Variants in PARD3 observed in about 807,000 individuals in gnomAD.
PARD3 encodes the protein partitioning defective 3 homolog.
Under a neutral mutation model 155.4 loss-of-function variants are expected in PARD3, and 75 were observed. The ratio of observed to expected loss-of-function variants is 0.48; its 90% CI spans 0.40 to 0.58. PARD3 has a LOEUF of 0.58. Among genes scored for constraint, PARD3 ranks in the 20% least tolerant of loss-of-function variants. PARD3 has a pLI of 0.00. For missense variants in PARD3, 1,642 were observed against 1,721.7 expected (o/e 0.95, Z 0.82); for synonymous variants, 576 against 610.5 (o/e 0.94, Z 0.83).
chr10:34,355,317 G>A (rs969546757), intron 14 of PARD3, among the ~76,000 whole-genome samples: 2 of 151,828 alleles, frequency 1.3e-5, no homozygotes, highest in African/African-American at 4.8e-5. Context: ...AACAGAGCGA[G>A]AGAGCAAGAC....
chr10:34,460,313 A>G (rs528450445), intron 4 of PARD3, among the ~76,000 whole-genome samples: 2 of 152,302 alleles, frequency 1.3e-5, no homozygotes, highest in African/African-American at 2.4e-5. Context: ...CTTCCCCCCA[A>G]AAAAACACAA....
intron 22 of PARD3, among the ~76,000 whole-genome samples, chr10:34,238,922 A>G (rs917044584): frequency 3.9e-5 from 6 of 152,222 alleles, no homozygotes; most frequent in Admixed American, 2.6e-4. Flanking sequence ...TAACTTCAGA[A>G]TAGAAATTTA....
chr10:34,390,292 A>C (rs1842760972), intron 7 of PARD3, among the ~76,000 whole-genome samples: 1 of 152,172 alleles, frequency 6.6e-6, no homozygotes, highest in African/African-American at 2.4e-5. Flanking sequence ...TCCCAGATTC[A>C]TGATATAAGA....
chr10:34,327,547 C>T (rs146713293), intron 19 of PARD3, among the ~76,000 whole-genome samples: 3 of 152,264 alleles, frequency 2.0e-5, no homozygotes, highest in Admixed American at 6.5e-5. Flanking sequence ...ACCATGCCTA[C>T]GCCTATGTGT....
intron 1 of PARD3, among the ~76,000 whole-genome samples, chr10:34,724,826 G>A (rs2094672219): frequency 6.6e-6 from 1 of 152,230 alleles, no homozygotes; most frequent in African/African-American, 2.4e-5. Context: ...ACTGGATGCT[G>A]TAGCCCAAGT....
chr10:34,288,845 G>A (rs1226057693), intron 20 of PARD3, among the ~76,000 whole-genome samples: 3 of 152,112 alleles, frequency 2.0e-5, no homozygotes, highest in Non-Finnish European at 4.4e-5. Context: ...TCACACAAAC[G>A]TTCAAAGAGA....
At chr10:34,128,879 A>G (rs1366485698) in intron 23 of PARD3, among the ~76,000 whole-genome samples, 1 of 152,164 alleles carries the variant, frequency 6.6e-6, no homozygotes. Context: ...AGGCTCATTA[A>G]AAACCAGATT....
chr10:34,267,010 G>A (rs1399117846), intron 22 of PARD3, among the ~76,000 whole-genome samples: 1 of 152,158 alleles, frequency 6.6e-6, no homozygotes, highest in Non-Finnish European at 1.5e-5. Flanking sequence ...CTTCTGAGCT[G>A]TGTGAAAAAC....
chr10:34,632,855 A>G (rs2132841413), intron 2 of PARD3, among the ~76,000 whole-genome samples: 1 of 152,310 alleles, frequency 6.6e-6, no homozygotes, highest in East Asian at 1.9e-4. Context: ...TTTCTAATGC[A>G]TGGTTGGAGT....
intron 12 of PARD3, among the ~76,000 whole-genome samples, chr10:34,366,765 T>C (rs1174972381): frequency 1.4e-5 from 2 of 147,828 alleles, no homozygotes; most frequent in Non-Finnish European, 3.1e-5. Flanking sequence ...CTTAAATTTT[T>C]CTTAAATTTA....
intron 1 of PARD3, among the ~76,000 whole-genome samples, chr10:34,807,690 G>GTA (rs1026647407): frequency 6.1e-5 from 4 of 65,760 alleles, no homozygotes; most frequent in African/African-American, 2.4e-4. Flanking sequence ...GTGTGTGTGT[G>GTA]TATATATATA....
At chr10:34,652,664 A>G (rs987807347) in intron 2 of PARD3, among the ~76,000 whole-genome samples, 8 of 152,164 alleles carry the variant, frequency 5.3e-5, no homozygotes, top group African/African-American at 1.4e-4. Context: ...CATCTCACTC[A>G]CACCTAACAA....
At chr10:34,781,545 G>GT (rs1840235992) in intron 1 of PARD3, among the ~76,000 whole-genome samples, 1 of 152,210 alleles carries the variant, frequency 6.6e-6, no homozygotes, top group African/African-American at 2.4e-5. Context: ...GAAAAGGTTA[G>GT]TATGGTTCTG....
intron 19 of PARD3, among the ~76,000 whole-genome samples, chr10:34,324,391 G>T (rs1290220488): frequency 6.6e-6 from 1 of 152,174 alleles, no homozygotes; most frequent in Non-Finnish European, 1.5e-5. Context: ...AAACTAGATT[G>T]TCGGGGGAAA....
intron 2 of PARD3, among the ~76,000 whole-genome samples, chr10:34,579,949 T>C (rs1279909438): frequency 6.6e-6 from 1 of 151,676 alleles, no homozygotes; most frequent in Non-Finnish European, 1.5e-5. Flanking sequence ...TCTTACTCTG[T>C]CTCCCAGGCT....
At chr10:34,328,308 G>A (rs1047735743) in intron 19 of PARD3, among the ~76,000 whole-genome samples, 1 of 152,112 alleles carries the variant, frequency 6.6e-6, no homozygotes, top group African/African-American at 2.4e-5. Context: ...AATGCAAGAT[G>A]GAAATAGATG....
At chr10:34,257,493 G>A (rs1954717658) in intron 22 of PARD3, among the ~76,000 whole-genome samples, 1 of 152,188 alleles carries the variant, frequency 6.6e-6, no homozygotes, top group Non-Finnish European at 1.5e-5. Flanking sequence ...GGCTAAAATT[G>A]AAAGAAATCC....
At chr10:34,575,372 C>T (rs924658722) in intron 2 of PARD3, among the ~76,000 whole-genome samples, 1 of 152,160 alleles carries the variant, frequency 6.6e-6, no homozygotes, top group Non-Finnish European at 1.5e-5. Flanking sequence ...ATTTTAAACT[C>T]TTGGGACATA....
intron 1 of PARD3, among the ~76,000 whole-genome samples, chr10:34,756,847 A>G (rs958340692): frequency 7.2e-5 from 11 of 152,218 alleles, no homozygotes; most frequent in Admixed American, 6.5e-4. Context: ...CAGGCTGAAA[A>G]GACAAAAGGG....
Sources: allele counts gnomAD v4.1 joint callset (sites outside exome capture counted in the v4.1 genomes callset), GRCh38; gene constraint gnomAD v4.1.1; transcripts MANE v1.5; gene names NCBI Gene and HGNC (gene_info 2026-07-23, HGNC 2026-07-21).